Variants in SRP68 observed in about 807,000 individuals in gnomAD.
The protein encoded by SRP68 is signal recognition particle subunit SRP68.
Under a neutral mutation model 82.2 loss-of-function variants are expected in SRP68, and 15 were observed. The observed-to-expected ratio is 0.18, with a 90% confidence interval of 0.12 to 0.28. The LOEUF is 0.28. SRP68 is among the 10% of genes least tolerant of loss of function. SRP68 has a pLI of 1.00. For synonymous variants in SRP68, 261 were observed against 292.6 expected (o/e 0.89, Z 1.10); for missense variants, 595 against 780.5 (o/e 0.76, Z 2.83).
chr17:76,053,370 T>C, intron 8 of SRP68: 2 of 711,768 alleles, frequency 2.8e-6, no homozygotes, highest in Middle Eastern at 7.2e-4. Context: ...CCAACAAACA[T>C]GCCAACACCC....
At chr17:76,059,627 A>G (rs1322073299) in intron 7 of SRP68, among the ~76,000 whole-genome samples, 11 of 152,056 alleles carry the variant, frequency 7.2e-5, no homozygotes, top group Non-Finnish European at 1.2e-4. Flanking sequence ...TTACTTGCTT[A>G]GAAAATAAAT....
rs1173500380 is a variant in SRP68, at chr17:76,060,699, AG to A, written c.755-310del. ...TTGGGAGATGATGGTGTGTCTATAA[AG>A]GGCCATCAATTGTAACAAATGCACC... is the stretch of plus-strand genomic sequence containing the variant. On this transcript the variant is annotated intron_variant, in intron 6 of 15. Coordinates refer to ENST00000307877, the MANE Select transcript of SRP68 (RefSeq NM_014230.4). 6.6e-5 allele frequency: 24 copies of A among 363,724 alleles called. 1 individual carries two copies. Among genetic ancestry groups the A allele is most frequent in the South Asian group, 4.0e-4 (9 of 22,652 alleles). 22.5% of individuals were successfully genotyped at this position (363,724 alleles called of 1,614,324 possible). A position where few individuals can be genotyped will look rare whatever the true frequency, so the allele number is the denominator to read the frequency against.
At chr17:76,049,450 T>C (rs547346650) in intron 9 of SRP68, 74 of 151,792 alleles carry the variant, frequency 4.9e-4, no homozygotes, top group African/African-American at 1.7e-3. Flanking sequence ...ATGAGAACAG[T>C]GTAACACACG....
chr17:76,069,898 G>A (rs1366159819), intron 2 of SRP68, among the ~76,000 whole-genome samples: 8 of 151,364 alleles, frequency 5.3e-5, no homozygotes, highest in African/African-American at 7.3e-5. Flanking sequence ...CCAACATGGC[G>A]AAACCCCATC....
At chr17:76,045,545 C>G (rs2066624148) in intron 11 of SRP68, among the ~76,000 whole-genome samples, 159 bp from the exon 12 acceptor site, 1 of 152,166 alleles carries the variant, frequency 6.6e-6, no homozygotes, top group South Asian at 2.1e-4. Flanking sequence ...GCAGCCACAC[C>G]TGCTGTCACC....
chr17:76,053,750 A>G, intron 8 of SRP68: 1 of 680,242 alleles, frequency 1.5e-6, no homozygotes. Context: ...AGAAGCTCTC[A>G]TGATTCTCCC....
In SRP68 at chr17:76,072,456, G is replaced by T. The variant is rs1368687022; in HGVS notation, c.36C>A (p.Gly12=). The T allele has an allele frequency of 6.3e-7, 1 of 1,581,660 alleles. No individual in the cohort carries two copies. Among genetic ancestry groups the T allele is most frequent in the Non-Finnish European group, 8.5e-7 (1 of 1,170,466 alleles). Reference sequence around the variant, plus strand: ...CACCGCCGCCGCCACTGCCGCCGCCGCCGCCGCCGCCTGGGACCTGCTTCT... The same window carrying T: ...CACCGCCGCCGCCACTGCCGCCGCCTCCGCCGCCGCCTGGGACCTGCTTCT... ...AAEKQVPGGG[G]GGGSGGGGGS... Residue 12 remains glycine (G), a synonymous_variant, in exon 1 of 16, where the codon GGC becomes GGA. Transcript: ENST00000307877. This position sits in a 1 kb window ranked among gnomAD's most constrained non-coding sequence, Gnocchi z 4.5.
chr17:76,039,560 C>T lies in SRP68; in HGVS notation c.*146G>A, dbSNP rs1031482839. Reference sequence around the variant, plus strand: ...CGCTGCTTAAGAACGTGTACAGACACAAGATGTAGGAATGCAGGGCCGAAG... The same window carrying T: ...CGCTGCTTAAGAACGTGTACAGACATAAGATGTAGGAATGCAGGGCCGAAG... On this transcript the variant is annotated 3_prime_UTR_variant, in exon 16 of 16. Transcript: ENST00000307877. 5 of 771,200 alleles carry T rather than the reference C, an allele frequency of 6.5e-6. No homozygotes were observed. The highest frequency in any genetic ancestry group is 1.1e-5 in the Non-Finnish European group (5 of 473,986). The allele number at this position is 771,200 out of a possible 1,614,324, so 47.8% of individuals were successfully genotyped here. A position where few individuals can be genotyped will look rare whatever the true frequency, so the allele number is the denominator to read the frequency against.
At chr17:76,046,656 G>A (rs957687289) in intron 10 of SRP68, among the ~76,000 whole-genome samples, 8 of 151,674 alleles carry the variant, frequency 5.3e-5, no homozygotes, top group East Asian at 3.9e-4. Flanking sequence ...CAAAAAAAAC[G>A]GGGGGCCAGG....
chr17:76,039,688 C>T lies in SRP68; in HGVS notation c.*18G>A, dbSNP rs1194391640. On this transcript the variant is annotated 3_prime_UTR_variant, in exon 16 of 16. Transcript: ENST00000307877. ...GATTAAGAGTCAGAATCTCCCCCGC[C>T]CCCGAGGAAGAGCCTGGTTAGCTCC... is the stretch of plus-strand genomic sequence containing the variant. 1.2e-6 allele frequency: 2 copies of T among 1,604,348 alleles called. No homozygotes were observed. Among genetic ancestry groups the T allele is most frequent in the Non-Finnish European group, 1.7e-6 (2 of 1,171,542 alleles).
rs996156138 is a variant in SRP68, at chr17:76,061,569, G to A, written c.567C>T (p.Tyr189=). ...GTAGCATTCCTGAGAGGTAAGCTGTGTAAGCCTGTGAGGAGATGGAAGAGG... is the reference window on the plus strand; with the variant it reads ...GTAGCATTCCTGAGAGGTAAGCTGTATAAGCCTGTGAGGAGATGGAAGAGG... ...DAKTKLEAQA[Y]TAYLSGMLRF... Residue 189 remains tyrosine (Y), a synonymous_variant, in exon 5 of 16, where the codon TAC becomes TAT. Coordinates refer to ENST00000307877, the MANE Select transcript of SRP68 (RefSeq NM_014230.4). 1.9e-6 allele frequency: 3 copies of A among 1,613,812 alleles called. No individual in the cohort carries two copies. The highest frequency in any genetic ancestry group is 1.3e-5 in the African/African-American group (1 of 75,064).
At chr17:76,046,230 A>G in intron 10 of SRP68, 36 bp from the exon 11 acceptor site, 1 of 1,608,530 alleles carries the variant, frequency 6.2e-7, no homozygotes, top group Non-Finnish European at 8.5e-7. Context: ...AGTTATACTC[A>G]GAGAAGCGGA....
intron 8 of SRP68, among the ~76,000 whole-genome samples, chr17:76,053,279 A>G (rs551863483): frequency 6.6e-6 from 1 of 151,800 alleles, no homozygotes; most frequent in Non-Finnish European, 1.5e-5. Context: ...AAAAAAAAAA[A>G]AAAAAAGAAA....
At position 76,040,589 on chromosome 17, in the gene SRP68, G is replaced by A. The variant is rs1012297019; in HGVS notation, c.1601-115C>T. The A allele has an allele frequency of 8.8e-6, 9 of 1,021,826 alleles. No individual in the cohort carries two copies. In the African/African-American group the frequency reaches 1.1e-4, roughly 13 times the overall value. The allele number at this position is 1,021,826 out of a possible 1,614,324, so 63.3% of individuals were successfully genotyped here. On this transcript the variant is annotated intron_variant, in intron 14 of 15. Coordinates refer to ENST00000307877, the MANE Select transcript of SRP68 (RefSeq NM_014230.4). ...TCCCAAAAGCAAAAGGAGCCAGCATGTGGGGAAGCCAGGCCTGTCTCCTGC... is the reference window on the plus strand; with the variant it reads ...TCCCAAAAGCAAAAGGAGCCAGCATATGGGGAAGCCAGGCCTGTCTCCTGC...
At chr17:76,065,450 A>AG (rs2066799559) in intron 3 of SRP68, among the ~76,000 whole-genome samples, 1 of 151,710 alleles carries the variant, frequency 6.6e-6, no homozygotes, top group South Asian at 2.1e-4. Context: ...AAAAAAAAAA[A>AG]AAAAAAAAAG....
In SRP68 at chr17:76,039,072, A is replaced by G. The variant is rs1258632826; in HGVS notation, c.*634T>C. The G allele has an allele frequency of 1.0e-5, 3 of 297,628 alleles. No homozygotes were observed. Among genetic ancestry groups the G allele is most frequent in the Admixed American group, 4.1e-5 (1 of 24,526 alleles). 18.4% of individuals were successfully genotyped at this position (297,628 alleles called of 1,614,324 possible). On this transcript the variant is annotated 3_prime_UTR_variant, in exon 16 of 16. Transcript: ENST00000307877. ...CCCGAGGAGAGAACGGGGACTGGAC[A>G]TGAGGGAGGGCATATAAGAAATGGG... is the stretch of plus-strand genomic sequence containing the variant.
chr17:76,048,967 G>T (rs2066651976), intron 9 of SRP68: 1 of 152,204 alleles, frequency 6.6e-6, no homozygotes, highest in South Asian at 2.1e-4. Flanking sequence ...CAAGGAAGCA[G>T]GTGACTCCTT....
intron 9 of SRP68, chr17:76,049,607 T>C (rs1294883499): frequency 6.6e-6 from 1 of 152,202 alleles, no homozygotes; most frequent in African/African-American, 2.4e-5. Flanking sequence ...CAGTGGTCTC[T>C]AAGTAGGGCG....
chr17:76,047,788 C>CAAAAAAAAA, intron 10 of SRP68, 118 bp downstream of exon 10: 1 of 348,604 alleles, frequency 2.9e-6, no homozygotes. Context: ...GATCCTGTCT[C>CAAAAAAAAA]AAAAAAAAAA....
Sources: gnomAD v4.1 joint callset for allele counts (sites outside exome capture counted in the v4.1 genomes callset) on GRCh38, gnomAD v4.1.1 for gene constraint, Gnocchi (gnomAD v3.1) non-coding constraint, MANE v1.5 for transcripts, NCBI Gene and HGNC (gene_info 2026-07-23, HGNC 2026-07-21) for gene names.